The following PSMD9 variants were observed in gnomAD, a reference collection of about 807,000 sequenced individuals.
The protein encoded by PSMD9 is proteasome 26S subunit, non-ATPase 9.
Under a neutral mutation model 25.9 loss-of-function variants are expected in PSMD9, and 26 were observed. The ratio of observed to expected loss-of-function variants is 1.00; its 90% CI spans 0.73 to 1.39. The LOEUF is 1.39. PSMD9 is among the 40% of genes most tolerant of loss of function. The pLI, the probability that PSMD9 is intolerant of heterozygous loss-of-function variation, is 0.00. For synonymous variants in PSMD9, 110 were observed against 114.5 expected, an observed-to-expected ratio of 0.96 and a Z score of 0.25; for missense variants, 303 against 299.3, an observed-to-expected ratio of 1.01 and a Z score of -0.09.
intron 4 of PSMD9, among the ~76,000 whole-genome samples, chr12:121,913,221 G>C (rs1565896124): frequency 1.3e-5 from 2 of 152,028 alleles, no homozygotes; most frequent in African/African-American, 4.8e-5. Context: ...TGGGATTACA[G>C]GCGTGAGCCA....
intron 4 of PSMD9, among the ~76,000 whole-genome samples, chr12:121,912,442 C>G (rs1879753701): frequency 2.0e-5 from 3 of 152,118 alleles, no homozygotes; most frequent in Admixed American, 2.0e-4. Flanking sequence ...CTCGCCAGCA[C>G]TTGTTTTCTG....
chr12:121,909,445 C>G (rs1346084219), intron 4 of PSMD9, among the ~76,000 whole-genome samples: 1 of 151,862 alleles, frequency 6.6e-6, no homozygotes, highest in Admixed American at 6.6e-5. Context: ...TCCCAGGTAG[C>G]TGGGACTACA....
intron 4 of PSMD9, chr12:121,915,378 G>T (rs1879866273): frequency 6.5e-6 from 1 of 152,776 alleles, no homozygotes; most frequent in African/African-American, 2.4e-5. Flanking sequence ...ACTTTGGTGG[G>T]GTTTTGGTTT....
intron 1 of PSMD9, 79 bp from the exon 2 acceptor site, chr12:121,894,660 A>G: frequency 8.2e-7 from 1 of 1,220,536 alleles, no homozygotes; most frequent in Non-Finnish European, 1.2e-6. Context: ...TTATGACTTC[A>G]GAGGAGAAGG....
chr12:121,888,894 C>T lies in PSMD9; in HGVS notation c.38C>T (p.Ser13Leu), dbSNP rs1156702670. The T allele has an allele frequency of 8.1e-6, 13 of 1,599,632 alleles. No homozygotes were observed. In the East Asian group the frequency reaches 2.3e-4, roughly 28 times the overall value. ...DEEARQSGGS[S>L]QAGVVTVSDV... ...GAAGCGAGGCAGAGCGGAGGCTCCT[C>T]GCAGGCCGGCGTCGTGACTGTCAGC... is the stretch of plus-strand genomic sequence containing the variant. The change falls in exon 1 of 6, where the codon TCG becomes TTG. Residue 13 changes from serine to leucine, a missense_variant. Transcript: ENST00000541212.
intron 3 of PSMD9, among the ~76,000 whole-genome samples, chr12:121,901,384 T>C (rs1456631763): frequency 6.6e-6 from 1 of 152,164 alleles, no homozygotes; most frequent in Non-Finnish European, 1.5e-5. Context: ...GGTCTCACTC[T>C]CTCACCCAGA....
At position 121,913,225 on chromosome 12, in the gene PSMD9, T is replaced by C. The variant is rs556928571; in HGVS notation, c.556-2631T>C. ...TCCCAAAGTGCTGGGATTACAGGCG[T>C]GAGCCACCGCGCCTGGCCTTTTTTT... On this transcript the variant is annotated intron_variant, in intron 4 of 5. Transcript: ENST00000541212. Among the ~76,000 whole-genome samples the C allele has an allele frequency of 6.0e-3, 910 of 152,032 alleles. 5 individuals are homozygous for C. The highest frequency in any genetic ancestry group is 0.016 in the African/African-American group (663 of 41,546).
At chr12:121,894,929 A>G (rs1879189317) in intron 2 of PSMD9, 88 bp downstream of exon 2, 1 of 1,133,856 alleles carries the variant, frequency 8.8e-7, no homozygotes, top group Non-Finnish European at 1.3e-6. Context: ...TGTATTATCT[A>G]CTGCCTTCTC....
chr12:121,905,441 G>A lies in PSMD9; in HGVS notation c.555+2334G>A, dbSNP rs184613445. On this transcript the variant is annotated intron_variant, in intron 4 of 5. Transcript: ENST00000541212. Reference sequence around the variant, plus strand: ...GGGTTTCACTGTGTTAGCCAGGATGGTCTCGATCTCCTGACCTCGTGATCC... The same window carrying A: ...GGGTTTCACTGTGTTAGCCAGGATGATCTCGATCTCCTGACCTCGTGATCC... Among the ~76,000 whole-genome samples the A allele has an allele frequency of 1.1e-3, 166 of 151,096 alleles. 5 individuals carry two copies. Among genetic ancestry groups the A allele is most frequent in the Non-Finnish European group, 1.0e-4 (7 of 67,878 alleles).
intron 1 of PSMD9, among the ~76,000 whole-genome samples, chr12:121,889,505 A>C (rs1878997027): frequency 6.6e-6 from 1 of 152,182 alleles, no homozygotes; most frequent in Non-Finnish European, 1.5e-5. Context: ...GGCGTGAGCT[A>C]CTGCACCCGG....
chr12:121,891,781 C>T (rs1879088453), intron 1 of PSMD9, among the ~76,000 whole-genome samples: 1 of 151,126 alleles, frequency 6.6e-6, no homozygotes, highest in Non-Finnish European at 1.5e-5. Flanking sequence ...TGGTACACAT[C>T]TATAATCCCA....
Position 121,888,956 on chromosome 12 carries a change from G to GA in PSMD9, c.102dup (p.Ala35SerfsTer8), listed in dbSNP as rs1179215329. On this transcript the variant is annotated frameshift_variant, in exon 1 of 6. Coordinates refer to ENST00000541212, the MANE Select transcript of PSMD9 (RefSeq NM_002813.7). LOFTEE classifies it high-confidence loss of function. The stretch of plus-strand genomic sequence containing the variant: ...GCTGATGCGGCGCAAGGAGGAGATA[G>GA]AAGCGCAGATCAAGGCCAACTATGA... 1 of 1,591,692 alleles carries GA rather than the reference G, an allele frequency of 6.3e-7. No homozygotes were observed. Among genetic ancestry groups the GA allele is most frequent in the East Asian group, 2.3e-5 (1 of 44,168 alleles).
rs1404699181 is a variant in PSMD9 at position 121,916,390 on chromosome 12, C to T, written c.*79C>T. On this transcript the variant is annotated 3_prime_UTR_variant, in exon 6 of 6. Coordinates refer to ENST00000541212, the MANE Select transcript of PSMD9 (RefSeq NM_002813.7). ...TCTAGGGATTTCCAACTTGTCTTCT[C>T]TCCCTGAAGCATAAGGATCTGGAAG... 1 of 1,528,320 alleles carries T rather than the reference C, an allele frequency of 6.5e-7. No individual in the cohort carries two copies. Among genetic ancestry groups the T allele is most frequent in the African/African-American group, 1.4e-5 (1 of 72,936 alleles). The allele number at this position is 1,528,320 out of a possible 1,614,324, so 94.7% of individuals were successfully genotyped here. A position where few individuals can be genotyped will look rare whatever the true frequency, so the allele number is the denominator to read the frequency against.
chr12:121,913,234 G>A (rs190744639), intron 4 of PSMD9, among the ~76,000 whole-genome samples: 376 of 149,730 alleles, frequency 2.5e-3, no homozygotes, highest in African/African-American at 8.6e-3. Flanking sequence ...GTGAGCCACC[G>A]CGCCTGGCCT....
At chr12:121,904,120 C>T (rs1879482743) in intron 4 of PSMD9, among the ~76,000 whole-genome samples, 1 of 152,026 alleles carries the variant, frequency 6.6e-6, no homozygotes, top group South Asian at 2.1e-4. Context: ...TGCCTATGCC[C>T]CTGCTAGTGG....
At chr12:121,899,510 C>T in intron 2 of PSMD9, 124 bp from the exon 3 acceptor site, 2 of 912,184 alleles carry the variant, frequency 2.2e-6, no homozygotes, top group Non-Finnish European at 3.3e-6. Flanking sequence ...TCAGAGACTC[C>T]TTCTCACCTC....
chr12:121,914,176 C>A (rs1027910421), intron 4 of PSMD9: 1 of 152,122 alleles, frequency 6.6e-6, no homozygotes, highest in African/African-American at 2.4e-5. Context: ...CGTGAGCCAC[C>A]GTGCCTGGAT....
intron 1 of PSMD9, among the ~76,000 whole-genome samples, chr12:121,890,611 G>A (rs536974892): frequency 2.0e-5 from 3 of 152,002 alleles, no homozygotes; most frequent in Non-Finnish European, 4.4e-5. Flanking sequence ...GAGACTGCAG[G>A]TACGTGCCAC....
chr12:121,899,574 G>T, intron 2 of PSMD9, 60 bp from the exon 3 acceptor site: 1 of 1,444,136 alleles, frequency 6.9e-7, no homozygotes, highest in Admixed American at 2.1e-5. Context: ...GTGAATAAAT[G>T]TAGGAGTCTT....
Sources: allele counts gnomAD v4.1 joint callset (sites outside exome capture counted in the v4.1 genomes callset), GRCh38; gene constraint gnomAD v4.1.1; transcripts MANE v1.5; gene names NCBI Gene and HGNC (gene_info 2026-07-23, HGNC 2026-07-21).